Variants in CHST11 observed in about 807,000 individuals in gnomAD.
CHST11 encodes C4S-1.
In CHST11, 9 loss-of-function variants were observed where a neutral mutation model predicts 30.4. That is an observed-to-expected ratio of 0.30 (90% CI 0.18 to 0.52). CHST11 has a LOEUF of 0.52. Ranked by LOEUF, CHST11 falls within the 20% of genes least tolerant of loss-of-function variation. The pLI, the probability that CHST11 is intolerant of heterozygous loss-of-function variation, is 0.97. For synonymous variants in CHST11, 152 were observed against 187.8 expected (o/e 0.81, Z 1.56); for missense variants, 348 against 460.6 (o/e 0.76, Z 2.24).
chr12:104,682,018 A>G (rs373316895), intron 2 of CHST11, among the ~76,000 whole-genome samples: 1 of 151,960 alleles, frequency 6.6e-6, no homozygotes, highest in East Asian at 1.9e-4. Flanking sequence ...TATCTTTAGT[A>G]GAGACGGGGT....
intron 2 of CHST11, among the ~76,000 whole-genome samples, chr12:104,648,359 G>A (rs571681746): frequency 9.2e-4 from 140 of 152,312 alleles, no homozygotes; most frequent in Admixed American, 3.3e-3. Flanking sequence ...TCATTTTGGG[G>A]CCATACCCAA....
In CHST11 at chr12:104,757,023, C is replaced by T. The variant is rs1334076902; in HGVS notation, c.279C>T (p.Ser93=). 9.9e-6 allele frequency: 16 copies of T among 1,613,416 alleles called. No individual in the cohort carries two copies. Among genetic ancestry groups the T allele is most frequent in the East Asian group, 4.5e-5 (2 of 44,862 alleles). ...DQVTDTCRAN[S]ATSRKRRVLT... ...TGACAGACACGTGCCGAGCCAACAG[C>T]GCCACAAGCCGTAAGCGGAGGGTGC... is the stretch of plus-strand genomic sequence containing the variant. The change falls in exon 3 of 3, where the codon AGC becomes AGT. Residue 93 remains serine (S), a synonymous_variant. Transcript: ENST00000303694. The surrounding 1 kb of genome is among the most constrained non-coding windows in gnomAD (Gnocchi z 6.5).
chr12:104,742,018 A>G (rs2040351607), intron 2 of CHST11, among the ~76,000 whole-genome samples: 1 of 152,166 alleles, frequency 6.6e-6, no homozygotes. Context: ...GGCACTTGGG[A>G]AACCACCCTC....
chr12:104,650,881 C>T (rs558302651), intron 2 of CHST11, among the ~76,000 whole-genome samples: 3 of 152,272 alleles, frequency 2.0e-5, no homozygotes, highest in African/African-American at 7.2e-5. Flanking sequence ...GACGTGGGAG[C>T]CAGAGGGCCT....
chr12:104,752,124 A>C (rs1473218902), intron 2 of CHST11, among the ~76,000 whole-genome samples: 1 of 152,190 alleles, frequency 6.6e-6, no homozygotes, highest in Non-Finnish European at 1.5e-5. Context: ...TTGGCAGGGC[A>C]TGCTCTCTCT....
chr12:104,562,641 G>A (rs2038524663), intron 1 of CHST11, among the ~76,000 whole-genome samples: 1 of 152,170 alleles, frequency 6.6e-6, no homozygotes, highest in African/African-American at 2.4e-5. Flanking sequence ...TCGTATCCTG[G>A]TTTAGTTGCA....
At chr12:104,498,599 C>T (rs561430047) in intron 1 of CHST11, among the ~76,000 whole-genome samples, 2 of 152,292 alleles carry the variant, frequency 1.3e-5, no homozygotes, top group East Asian at 3.9e-4. Context: ...GCCAGGCCTT[C>T]AAAGATGCTT....
intron 1 of CHST11, among the ~76,000 whole-genome samples, chr12:104,591,145 A>C (rs1318022137): frequency 1.3e-5 from 2 of 151,300 alleles, no homozygotes; most frequent in Non-Finnish European, 3.0e-5. Flanking sequence ...TTGGAGAAAG[A>C]GCAAGATGAC....
intron 1 of CHST11, among the ~76,000 whole-genome samples, chr12:104,518,458 C>A (rs2038046291): frequency 6.6e-6 from 1 of 152,068 alleles, no homozygotes; most frequent in African/African-American, 2.4e-5. Flanking sequence ...TGCCTTTGTG[C>A]CAGATTCAGT....
intron 1 of CHST11, among the ~76,000 whole-genome samples, chr12:104,467,231 G>A (rs972127957): frequency 6.6e-6 from 1 of 152,184 alleles, no homozygotes; most frequent in African/African-American, 2.4e-5. Context: ...CATGTAATTT[G>A]ATATGACAGG....
At chr12:104,670,232 T>A (rs1473898582) in intron 2 of CHST11, among the ~76,000 whole-genome samples, 1 of 152,092 alleles carries the variant, frequency 6.6e-6, no homozygotes, top group Non-Finnish European at 1.5e-5. Flanking sequence ...TCTCCCAACT[T>A]CCTCAGTCCT....
At chr12:104,499,944 G>T (rs974324259) in intron 1 of CHST11, among the ~76,000 whole-genome samples, 1 of 152,146 alleles carries the variant, frequency 6.6e-6, no homozygotes, top group Non-Finnish European at 1.5e-5. Context: ...TTTTGATGGT[G>T]GTAAATAAGA....
intron 2 of CHST11, among the ~76,000 whole-genome samples, chr12:104,728,684 C>T (rs1436612548): frequency 6.6e-6 from 1 of 152,290 alleles, no homozygotes; most frequent in East Asian, 1.9e-4. Flanking sequence ...GAACTGAGGG[C>T]CTTGATCCTC....
At chr12:104,551,767 G>A (rs1015492733) in intron 1 of CHST11, among the ~76,000 whole-genome samples, 2 of 152,114 alleles carry the variant, frequency 1.3e-5, no homozygotes, top group African/African-American at 4.8e-5. Flanking sequence ...ATGTGAGGCC[G>A]TACGGAAGTG....
At chr12:104,597,065 C>T (rs1010671509) in intron 1 of CHST11, among the ~76,000 whole-genome samples, 2 of 152,174 alleles carry the variant, frequency 1.3e-5, no homozygotes, top group East Asian at 1.9e-4. Flanking sequence ...CACAGGGAGT[C>T]GCCCAGAGAA....
chr12:104,525,542 A>G (rs1047905562), intron 1 of CHST11, among the ~76,000 whole-genome samples: 1 of 152,176 alleles, frequency 6.6e-6, no homozygotes, highest in Non-Finnish European at 1.5e-5. Context: ...ACTTGGGGCA[A>G]ATTACTTAAT....
intron 1 of CHST11, among the ~76,000 whole-genome samples, chr12:104,461,852 C>T (rs7976781): frequency 0.3 from 45,091 of 151,800 alleles, 8,043 homozygotes; most frequent in East Asian, 0.61. Context: ...GTAAACATAA[C>T]ATGTGCTCAT....
intron 2 of CHST11, among the ~76,000 whole-genome samples, chr12:104,710,480 A>C (rs574765015): frequency 5.9e-5 from 9 of 152,026 alleles, no homozygotes; most frequent in Non-Finnish European, 1.2e-4. Context: ...CAGCTCCTCT[A>C]GGACTGGAAA....
chr12:104,589,344 T>C (rs1338366202), intron 1 of CHST11, among the ~76,000 whole-genome samples: 1 of 149,262 alleles, frequency 6.7e-6, no homozygotes, highest in Non-Finnish European at 1.5e-5. Context: ...GAGGTTGCAG[T>C]GAGCCAAGAT....
Sources: allele counts gnomAD v4.1 joint callset (sites outside exome capture counted in the v4.1 genomes callset), GRCh38; gene constraint gnomAD v4.1.1; non-coding constraint Gnocchi (gnomAD v3.1); transcripts MANE v1.5; gene names NCBI Gene and HGNC (gene_info 2026-07-23, HGNC 2026-07-21).